Variants in TRPC7 observed in about 807,000 individuals in gnomAD.
TRPC7 encodes the protein short transient receptor potential channel 7.
Under a neutral mutation model 90.1 loss-of-function variants are expected in TRPC7, and 42 were observed. The observed-to-expected ratio is 0.47, with a 90% CI of 0.36 to 0.60. The LOEUF is 0.60. Ranked by LOEUF, TRPC7 falls within the 20% of genes least tolerant of loss-of-function variation. TRPC7 has a pLI of 0.00. For synonymous variants in TRPC7, 451 were observed against 436.3 expected, an observed-to-expected ratio of 1.03 and a Z score of -0.42; for missense variants, 955 against 1,112.3, an observed-to-expected ratio of 0.86 and a Z score of 2.01.
At chr5:136,340,478 A>T (rs1445241259) in intron 2 of TRPC7, among the ~76,000 whole-genome samples, 2 of 152,188 alleles carry the variant, frequency 1.3e-5, no homozygotes, top group African/African-American at 4.8e-5. Flanking sequence ...TAAGTATTTG[A>T]GGTGATTAAT....
At chr5:136,312,542 A>G (rs1185647157) in intron 3 of TRPC7, among the ~76,000 whole-genome samples, 1 of 152,218 alleles carries the variant, frequency 6.6e-6, no homozygotes, top group Non-Finnish European at 1.5e-5. Flanking sequence ...CATTCTGCAA[A>G]TGGGGAATGA....
chr5:136,241,562 CT>C (rs375780408), intron 7 of TRPC7, among the ~76,000 whole-genome samples: 6,597 of 146,328 alleles, frequency 0.045, 162 homozygotes, highest in Non-Finnish European at 0.059. Context: ...TCCTTCCTTC[CT>C]TTTTTTTTTT....
At chr5:136,241,705 G>A (rs2149801489) in intron 7 of TRPC7, among the ~76,000 whole-genome samples, 1 of 152,202 alleles carries the variant, frequency 6.6e-6, no homozygotes, top group African/African-American at 2.4e-5. Flanking sequence ...ACAGGTGCGA[G>A]CCACCACGCC....
chr5:136,313,026 A>G (rs1758886284), intron 3 of TRPC7, among the ~76,000 whole-genome samples: 1 of 125,132 alleles, frequency 8.0e-6, no homozygotes, highest in Non-Finnish European at 1.6e-5. Flanking sequence ...TATGTCCCCC[A>G]GGCTGGTCTC....
At chr5:136,342,186 A>G (rs3777151) in intron 2 of TRPC7, among the ~76,000 whole-genome samples, 50,094 of 152,122 alleles carry the variant, frequency 0.33, 9,234 homozygotes, top group Admixed American at 0.45. Context: ...AATTCCATCA[A>G]GGTAACAGGA....
chr5:136,247,003 G>C lies in TRPC7; in HGVS notation c.1844+468C>G, dbSNP rs2095088501. Among the ~76,000 whole-genome samples, 1 of 152,142 alleles carries C rather than the reference G, an allele frequency of 6.6e-6. No homozygotes were observed. Among genetic ancestry groups the C allele is most frequent in the South Asian group, 2.1e-4 (1 of 4,828 alleles). ...ACCCTGAGATAACTCATGGATTGCA[G>C]TCCTAACTTTACCCCCAAAGTTTAC... On this transcript the variant is annotated intron_variant, in intron 7 of 11. Transcript: ENST00000513104. This position sits in a 1 kb window ranked among gnomAD's most constrained non-coding sequence, Gnocchi z 4.2.
chr5:136,214,322 CACAA>C (rs1444390782), intron 11 of TRPC7: 8 of 152,206 alleles, frequency 5.3e-5, no homozygotes, highest in Non-Finnish European at 7.3e-5. Flanking sequence ...TCTTATTAAC[CACAA>C]ACAGATGTCA....
chr5:136,245,105 A>T (rs1023679278), intron 7 of TRPC7, among the ~76,000 whole-genome samples: 1 of 152,146 alleles, frequency 6.6e-6, no homozygotes, highest in Non-Finnish European at 1.5e-5. Flanking sequence ...GGAGCTGGGG[A>T]AATTGAGGCC....
At chr5:136,342,066 G>T (rs1452854453) in intron 2 of TRPC7, among the ~76,000 whole-genome samples, 2 of 151,980 alleles carry the variant, frequency 1.3e-5, no homozygotes, top group Non-Finnish European at 2.9e-5. Flanking sequence ...TTCATGCCTT[G>T]TTGGCTTTCT....
chr5:136,333,388 G>A (rs901763793), intron 2 of TRPC7, among the ~76,000 whole-genome samples: 2 of 152,222 alleles, frequency 1.3e-5, no homozygotes, highest in African/African-American at 4.8e-5. Flanking sequence ...AGGGAACTAT[G>A]CAAGTAGATG....
intron 7 of TRPC7, among the ~76,000 whole-genome samples, chr5:136,235,554 GCTCT>G (rs1196359968): frequency 1.3e-5 from 2 of 152,120 alleles, no homozygotes; most frequent in Non-Finnish European, 2.9e-5. Context: ...AGGTTATGAG[GCTCT>G]CTGAGTTATA....
In TRPC7 at chr5:136,216,231, C is replaced by A; in HGVS notation, c.2388G>T (p.Gln796His). The change falls in exon 11 of 12, where the codon CAG becomes CAT. Residue 796 changes from glutamine to histidine, a missense_variant. By Grantham distance (24) the Gln-to-His change is conservative. Transcript: ENST00000513104. ...TGACTTCGTCATTTTCTCTGTCCAC[C>A]TGGGCTTTCAGGACGTATCTTTTTA... ...RLIKRYVLKA[Q>H]VDRENDEVNE... 6.2e-7 allele frequency: 1 copy of A among 1,613,552 alleles called. No homozygotes were observed. Among genetic ancestry groups the A allele is most frequent in the East Asian group, 2.2e-5 (1 of 44,870 alleles).
At chr5:136,329,512 C>T (rs1344754090) in intron 2 of TRPC7, among the ~76,000 whole-genome samples, 1 of 151,930 alleles carries the variant, frequency 6.6e-6, no homozygotes, top group African/African-American at 2.4e-5. Flanking sequence ...GAATTGAGAC[C>T]TGAGGATGAA....
chr5:136,290,683 A>G (rs1360425680), intron 3 of TRPC7, among the ~76,000 whole-genome samples: 4 of 152,370 alleles, frequency 2.6e-5, no homozygotes, highest in Admixed American at 6.5e-5. Context: ...CCTGAAAGTG[A>G]CGGGGAGAAT....
chr5:136,238,725 T>C (rs1258485726), intron 7 of TRPC7, among the ~76,000 whole-genome samples: 5 of 152,138 alleles, frequency 3.3e-5, no homozygotes, highest in Non-Finnish European at 5.9e-5. Context: ...TTTCTGTGTG[T>C]TGTCAGGTCT....
chr5:136,227,336 A>C (rs2149795527), intron 8 of TRPC7, among the ~76,000 whole-genome samples: 1 of 152,304 alleles, frequency 6.6e-6, no homozygotes, highest in East Asian at 1.9e-4. Context: ...AACTTTAGGC[A>C]GGTGTCTTGA....
intron 3 of TRPC7, among the ~76,000 whole-genome samples, chr5:136,312,972 C>CTTTTTTTTT (rs34840823): frequency 2.1e-5 from 2 of 97,052 alleles, no homozygotes; most frequent in South Asian, 4.3e-4. Context: ...AGTAGTGATT[C>CTTTTTTTTT]TTTTTTTTTT....
chr5:136,234,309 TC>T (rs1244871489), intron 7 of TRPC7, among the ~76,000 whole-genome samples: 19 of 151,508 alleles, frequency 1.3e-4, no homozygotes, highest in African/African-American at 4.6e-4. Context: ...ACATTTCTTT[TC>T]TTTTTTTTTT....
At chr5:136,311,537 T>A (rs1758831482) in intron 3 of TRPC7, among the ~76,000 whole-genome samples, 1 of 152,062 alleles carries the variant, frequency 6.6e-6, no homozygotes, top group Non-Finnish European at 1.5e-5. Flanking sequence ...GTGTTTAGAG[T>A]TGATATGCAG....
Sources: gnomAD v4.1 joint callset for allele counts (sites outside exome capture counted in the v4.1 genomes callset) on GRCh38, gnomAD v4.1.1 for gene constraint, Gnocchi (gnomAD v3.1) non-coding constraint, MANE v1.5 for transcripts, NCBI Gene and HGNC (gene_info 2026-07-23, HGNC 2026-07-21) for gene names.